The following NAA40 variants were observed in gnomAD, a reference collection of about 807,000 sequenced individuals.
NAA40 encodes the protein N-alpha-acetyltransferase 40.
Under a neutral mutation model 36.6 loss-of-function variants are expected in NAA40, and 26 were observed. The ratio of observed to expected loss-of-function variants is 0.71; its 90% CI spans 0.52 to 0.98. NAA40 has a LOEUF of 0.98. Ranked by LOEUF, NAA40 falls within the 50% of genes least tolerant of loss-of-function variation. The pLI, the probability that NAA40 is intolerant of heterozygous loss-of-function variation, is 0.00. For missense variants in NAA40, 237 were observed against 306.5 expected, an observed-to-expected ratio of 0.77 and a Z score of 1.69; for synonymous variants, 129 against 108.4, an observed-to-expected ratio of 1.19 and a Z score of -1.18.
chr11:63,956,933 A>G lies in NAA40; in HGVS notation c.*2454A>G, dbSNP rs1235810839. 6.6e-6 allele frequency: 1 copy of G among 151,344 alleles called. No homozygotes were observed. Among genetic ancestry groups the G allele is most frequent in the Non-Finnish European group, 1.5e-5 (1 of 67,896 alleles). 9.4% of individuals were successfully genotyped at this position (151,344 alleles called of 1,614,324 possible). ...GGTTGTGGTGAGCTGAGATCACGCC[A>G]TTGCACTCCAGCCTAGGCGACAGAG... On this transcript the variant is annotated 3_prime_UTR_variant, in exon 8 of 8. Coordinates refer to ENST00000377793, the MANE Select transcript of NAA40 (RefSeq NM_024771.4).
chr11:63,949,885 C>T (rs532373055), intron 3 of NAA40, among the ~76,000 whole-genome samples: 2 of 151,374 alleles, frequency 1.3e-5, no homozygotes, highest in South Asian at 4.2e-4. Context: ...GCTGGGACTA[C>T]AGGCACCCGC....
At chr11:63,949,911 A>C (rs1372035412) in intron 3 of NAA40, among the ~76,000 whole-genome samples, 3 of 150,836 alleles carry the variant, frequency 2.0e-5, no homozygotes, top group Non-Finnish European at 3.0e-5. Flanking sequence ...CGCCCGGCTA[A>C]TTTTTTGTAT....
rs1942327780 is a variant in NAA40 at position 63,954,268 on chromosome 11, G to T, written c.573-70G>T. On this transcript the variant is annotated intron_variant, in intron 7 of 7. Transcript: ENST00000377793. The stretch of plus-strand genomic sequence containing the variant: ...GGTCTCATCAGTGTGGCTGGTAGAA[G>T]AGTTCTCGGGCCAGGGAGGAAGGCA... The T allele has an allele frequency of 3.3e-6, 5 of 1,527,000 alleles. No individual in the cohort carries two copies. In the East Asian group the frequency reaches 9.2e-5, roughly 28 times the overall value. The allele number at this position is 1,527,000 out of a possible 1,614,324, so 94.6% of individuals were successfully genotyped here.
chr11:63,939,281 GA>G, intron 1 of NAA40, 179 bp downstream of exon 1: 3 of 1,296,732 alleles, frequency 2.3e-6, no homozygotes, highest in Non-Finnish European at 2.9e-6. Flanking sequence ...CCTAGCCCGG[GA>G]ATCCTCTGGA....
intron 1 of NAA40, among the ~76,000 whole-genome samples, chr11:63,942,455 G>A (rs942875817): frequency 6.6e-6 from 1 of 152,224 alleles, no homozygotes; most frequent in Non-Finnish European, 1.5e-5. Context: ...GCAACTTGCT[G>A]AAAAGAGCTT....
intron 3 of NAA40, among the ~76,000 whole-genome samples, chr11:63,949,029 T>G (rs1441023085): frequency 4.6e-5 from 7 of 151,654 alleles, no homozygotes; most frequent in African/African-American, 1.2e-4. Context: ...AAAAAAAAAT[T>G]TTTTTAATTA....
chr11:63,943,073 G>T (rs975536749), intron 1 of NAA40, among the ~76,000 whole-genome samples: 1 of 152,186 alleles, frequency 6.6e-6, no homozygotes, highest in African/African-American at 2.4e-5. Flanking sequence ...GGTGGAGTAA[G>T]GGAGCTTGTA....
intron 2 of NAA40, 184 bp from the exon 3 acceptor site, chr11:63,946,767 T>A: frequency 6.5e-7 from 1 of 1,535,770 alleles, no homozygotes; most frequent in Non-Finnish European, 8.7e-7. Flanking sequence ...CACCAAAGCC[T>A]TCCTCGCACA....
chr11:63,955,678 C>G lies in NAA40; in HGVS notation c.*1199C>G, dbSNP rs143764132. 1.3e-5 allele frequency: 2 copies of G among 152,564 alleles called. No homozygotes were observed. Among genetic ancestry groups the G allele is most frequent in the East Asian group, 1.9e-4 (1 of 5,190 alleles). The allele number at this position is 152,564 out of a possible 1,614,324, so 9.5% of individuals were successfully genotyped here. A position where few individuals can be genotyped will look rare whatever the true frequency, so the allele number is the denominator to read the frequency against. On this transcript the variant is annotated 3_prime_UTR_variant, in exon 8 of 8. Transcript: ENST00000377793. ...CAGTGGCCAACAGTTGCTTTTCTCT[C>G]TGGTGTCACCCTGTGGCAACAGGCT...
At chr11:63,939,731 G>A (rs4980499) in intron 1 of NAA40, among the ~76,000 whole-genome samples, 41,817 of 152,076 alleles carry the variant, frequency 0.27, 7,374 homozygotes, top group Non-Finnish European at 0.39. Flanking sequence ...TGGTTGCAAT[G>A]AAATGGTTCT....
intron 3 of NAA40, among the ~76,000 whole-genome samples, chr11:63,951,425 C>T (rs1008753579): frequency 6.6e-6 from 1 of 152,114 alleles, no homozygotes; most frequent in Admixed American, 6.6e-5. Context: ...CTCACTGCAA[C>T]CTCCGCCTCC....
Position 63,954,366 on chromosome 11 carries a change from A to C in NAA40, c.601A>C (p.Met201Leu), listed in dbSNP as rs757893046. Residue 201 changes from methionine (M) to leucine (L), a missense_variant, in exon 8 of 8, where the codon ATG becomes CTG. Transcript: ENST00000377793. ...TGAAATTGATGACTCTTCCCCCAGC[A>C]TGTCCGGTTGCTGTGGGGAGGATTG... Reference protein sequence around the residue: ...QFEIDDSSPSMSGCCGEDCSY... With the variant: ...QFEIDDSSPSLSGCCGEDCSY... 1.2e-6 allele frequency: 2 copies of C among 1,605,722 alleles called. No homozygotes were observed. The highest frequency in any genetic ancestry group is 2.2e-5 in the South Asian group (2 of 89,788).
chr11:63,950,483 G>T (rs1036278292), intron 3 of NAA40, among the ~76,000 whole-genome samples: 8 of 150,528 alleles, frequency 5.3e-5, no homozygotes, highest in Non-Finnish European at 8.9e-5. Context: ...TTTCGTTTTT[G>T]TTTTTGAGAC....
At chr11:63,952,711 T>G in intron 5 of NAA40, 45 bp from the exon 6 acceptor site, 1 of 1,610,426 alleles carries the variant, frequency 6.2e-7, no homozygotes, top group Non-Finnish European at 8.5e-7. Context: ...TACAGCCTCT[T>G]CATGTCCCAT....
intron 2 of NAA40, chr11:63,946,484 C>T (rs756666749): frequency 8.9e-5 from 98 of 1,101,916 alleles, no homozygotes; most frequent in Non-Finnish European, 1.1e-4. Context: ...GGATTACAGG[C>T]GTGAGCCACA....
chr11:63,949,344 G>A (rs1283826105), intron 3 of NAA40, among the ~76,000 whole-genome samples: 2 of 151,930 alleles, frequency 1.3e-5, no homozygotes, highest in Non-Finnish European at 2.9e-5. Flanking sequence ...TTTTAGATTC[G>A]CGGGGTACAT....
intron 3 of NAA40, 97 bp from the exon 4 acceptor site, chr11:63,952,141 A>C: frequency 3.2e-6 from 3 of 939,548 alleles, no homozygotes; most frequent in Non-Finnish European, 4.9e-6. Context: ...GCAGTAACTG[A>C]GACTGGGCCT....
rs984714207 is a variant in NAA40 at position 63,957,027 on chromosome 11, T to G, written c.*2548T>G. 2 of 151,714 alleles carry G rather than the reference T, an allele frequency of 1.3e-5. No homozygotes were observed. The highest frequency in any genetic ancestry group is 2.1e-4 in the South Asian group (1 of 4,816). The allele number at this position is 151,714 out of a possible 1,614,324, so 9.4% of individuals were successfully genotyped here. A position where few individuals can be genotyped will look rare whatever the true frequency, so the allele number is the denominator to read the frequency against. ...CCTTTTTTACCAGGCTTTTTGTGTT[T>G]TGTTTGTTTGTTTGGAGCATGTTAA... is the stretch of plus-strand genomic sequence containing the variant. On this transcript the variant is annotated 3_prime_UTR_variant, in exon 8 of 8. Transcript: ENST00000377793.
chr11:63,953,045 CTTTTTT>C (rs34261976), intron 6 of NAA40, among the ~76,000 whole-genome samples: 1 of 106,832 alleles, frequency 9.4e-6, no homozygotes, highest in Admixed American at 1.1e-4. Flanking sequence ...CAGTGAACAT[CTTTTTT>C]TTTTTTTTTT....
Sources: gnomAD v4.1 joint callset for allele counts (sites outside exome capture counted in the v4.1 genomes callset) on GRCh38, gnomAD v4.1.1 for gene constraint, MANE v1.5 for transcripts, NCBI Gene and HGNC (gene_info 2026-07-23, HGNC 2026-07-21) for gene names.